Variants in IGF2BP2 observed in about 807,000 individuals in gnomAD.
The protein encoded by IGF2BP2 is insulin-like growth factor 2 mRNA-binding protein 2.
A neutral mutation model predicts 75.8 loss-of-function variants in IGF2BP2; 17 were observed. The observed-to-expected ratio is 0.22, with a 90% CI of 0.15 to 0.34. The LOEUF is 0.34. IGF2BP2 is among the 10% of genes least tolerant of loss of function. IGF2BP2 has a pLI of 1.00. For synonymous variants in IGF2BP2, 288 were observed against 295.6 expected (o/e 0.97, Z 0.26); for missense variants, 516 against 772.4 (o/e 0.67, Z 3.93).
chr3:185,697,950 C>T (rs1042188121), intron 3 of IGF2BP2, among the ~76,000 whole-genome samples: 3 of 152,160 alleles, frequency 2.0e-5, no homozygotes, highest in Non-Finnish European at 4.4e-5. Flanking sequence ...GGCCACTGCA[C>T]TCCAGCCTGG....
At chr3:185,660,271 G>A (rs576292747) in intron 10 of IGF2BP2, among the ~76,000 whole-genome samples, 111 of 152,304 alleles carry the variant, frequency 7.3e-4, no homozygotes, top group African/African-American at 2.6e-3. Flanking sequence ...CCAGGAAGAC[G>A]ATTCCAACAG....
intron 2 of IGF2BP2, among the ~76,000 whole-genome samples, chr3:185,702,950 T>C (rs1033916453): frequency 1.3e-5 from 2 of 152,284 alleles, no homozygotes; most frequent in Admixed American, 6.5e-5. Context: ...AATACAAATA[T>C]ATAGGCTCTT....
chr3:185,803,884 G>C (rs954820692), intron 2 of IGF2BP2, among the ~76,000 whole-genome samples: 1 of 152,194 alleles, frequency 6.6e-6, no homozygotes, highest in Non-Finnish European at 1.5e-5. Flanking sequence ...AGCACTTTAG[G>C]AGGCCGAGGC....
At chr3:185,774,658 T>C (rs1477072437) in intron 2 of IGF2BP2, among the ~76,000 whole-genome samples, 1 of 151,148 alleles carries the variant, frequency 6.6e-6, no homozygotes, top group East Asian at 1.9e-4. Context: ...TGGGGCCAAC[T>C]CCTGCTTTCC....
chr3:185,816,893 T>C (rs983187567), intron 2 of IGF2BP2, among the ~76,000 whole-genome samples: 1 of 152,176 alleles, frequency 6.6e-6, no homozygotes, highest in Non-Finnish European at 1.5e-5. Flanking sequence ...AAAACAAAAA[T>C]TTAAAAATTC....
At chr3:185,651,075 C>T (rs1714515937) in intron 13 of IGF2BP2, among the ~76,000 whole-genome samples, 1 of 152,112 alleles carries the variant, frequency 6.6e-6, no homozygotes, top group South Asian at 2.1e-4. Context: ...CACCCAGCTA[C>T]TTTAAAATTT....
chr3:185,802,801 C>G (rs1738458395), intron 2 of IGF2BP2, among the ~76,000 whole-genome samples: 1 of 152,184 alleles, frequency 6.6e-6, no homozygotes, highest in Non-Finnish European at 1.5e-5. Context: ...AAAAGCTTTT[C>G]TCAAGATGAG....
chr3:185,741,274 AT>A (rs1244922591), intron 2 of IGF2BP2, among the ~76,000 whole-genome samples: 1 of 152,166 alleles, frequency 6.6e-6, no homozygotes, highest in African/African-American at 2.4e-5. Context: ...CGAGTTATTG[AT>A]TTTCAAACCT....
chr3:185,802,972 C>A (rs1052841418), intron 2 of IGF2BP2, among the ~76,000 whole-genome samples: 2 of 152,190 alleles, frequency 1.3e-5, no homozygotes, highest in East Asian at 1.9e-4. Flanking sequence ...TCAGAGGTTA[C>A]CCACAGCACT....
In IGF2BP2 at chr3:185,657,271, C is replaced by A. The variant is rs1350481890; in HGVS notation, c.1386+15G>T. 1.3e-6 allele frequency: 2 copies of A among 1,594,608 alleles called. No homozygotes were observed. Among genetic ancestry groups the A allele is most frequent in the South Asian group, 1.1e-5 (1 of 90,494 alleles). ...GGTGGTAGAAGGGCCACAGGGCCGT[C>A]AGGAGCAGCCTCACCTTGATAGAGG... On this transcript the variant is annotated intron_variant, in intron 12 of 15. Coordinates refer to ENST00000382199, the MANE Select transcript of IGF2BP2 (RefSeq NM_006548.6).
chr3:185,743,746 G>A (rs534201896), intron 2 of IGF2BP2, among the ~76,000 whole-genome samples: 262 of 152,168 alleles, frequency 1.7e-3, no homozygotes, highest in Middle Eastern at 6.8e-3. Flanking sequence ...CTCAAATCAC[G>A]ATGTAAAAGA....
At chr3:185,666,985 T>G (rs1717741246) in intron 10 of IGF2BP2, among the ~76,000 whole-genome samples, 1 of 151,590 alleles carries the variant, frequency 6.6e-6, no homozygotes, top group Non-Finnish European at 1.5e-5. Context: ...TTCCAGTTCA[T>G]TCTTTGAGGA....
Position 185,818,921 on chromosome 3 carries a change from A to AT in IGF2BP2, c.239+4231dup, listed in dbSNP as rs1205662832. On this transcript the variant is annotated intron_variant, in intron 2 of 15. Transcript: ENST00000382199. Reference sequence around the variant, plus strand: ...CACACATTAAAAAAACACAAAAACCATGTGTTTACTCAAAATAATTGTGAA... The same window carrying AT: ...CACACATTAAAAAAACACAAAAACCATTGTGTTTACTCAAAATAATTGTGAA... 3.9e-5 allele frequency among the ~76,000 whole-genome samples: 6 copies of AT among 152,086 alleles called. No individual in the cohort carries two copies. The East Asian group carries it at 5.8e-4, about 15-fold the overall frequency.
chr3:185,672,162 T>C (rs1325626375), intron 10 of IGF2BP2, among the ~76,000 whole-genome samples: 1 of 152,204 alleles, frequency 6.6e-6, no homozygotes, highest in Non-Finnish European at 1.5e-5. Context: ...TATGTAGATA[T>C]ATATCTCTCT....
chr3:185,785,693 G>A (rs1735795801), intron 2 of IGF2BP2, among the ~76,000 whole-genome samples: 1 of 152,030 alleles, frequency 6.6e-6, no homozygotes, highest in Admixed American at 6.6e-5. Flanking sequence ...GGGCCTGATG[G>A]CATATACCTG....
At chr3:185,666,685 C>A (rs4383556) in intron 10 of IGF2BP2, among the ~76,000 whole-genome samples, 21,379 of 151,856 alleles carry the variant, frequency 0.14, 1,787 homozygotes, top group Middle Eastern at 0.24. Context: ...GAAATAACCA[C>A]AAGTTTGGAT....
chr3:185,687,102 C>T lies in IGF2BP2; in HGVS notation c.767G>A (p.Arg256His), dbSNP rs1050135405. The change falls in exon 7 of 16, where the codon CGC becomes CAC. Residue 256 changes from arginine (R) to histidine (H), a missense_variant. Transcript: ENST00000382199. ...ATPEGTSEAC[R>H]MILEIMQKEA... ...TTTCTGCATGATTTCAAGAATCATG[C>T]GGCATGCTTCAGAAGTCCCCTCTGG... The T allele has an allele frequency of 3.1e-6, 5 of 1,613,514 alleles. No homozygotes were observed. The highest frequency in any genetic ancestry group is 2.2e-5 in the East Asian group (1 of 44,894).
rs1475070150 is a variant in IGF2BP2, at chr3:185,644,542, G to A, written c.*989C>T. Reference sequence around the variant, plus strand: ...AAGTTGAGGCTGGTTTGTGTGTTTCGCTTTTGTTCCTTTTGTGTGATGTGA... The same window carrying A: ...AAGTTGAGGCTGGTTTGTGTGTTTCACTTTTGTTCCTTTTGTGTGATGTGA... On this transcript the variant is annotated 3_prime_UTR_variant, in exon 16 of 16. Transcript: ENST00000382199. The A allele has an allele frequency of 2.3e-5, 3 of 133,050 alleles. No individual in the cohort carries two copies. The highest frequency in any genetic ancestry group is 8.3e-5 in the Admixed American group (1 of 12,056). 8.2% of individuals were successfully genotyped at this position (133,050 alleles called of 1,614,324 possible).
intron 2 of IGF2BP2, among the ~76,000 whole-genome samples, chr3:185,707,217 T>C (rs368589706): frequency 1.0e-4 from 14 of 137,662 alleles, no homozygotes; most frequent in Admixed American, 9.1e-4. Context: ...AGAGTGAAAC[T>C]CCATCTCAAA....
Sources: allele counts gnomAD v4.1 joint callset (sites outside exome capture counted in the v4.1 genomes callset), GRCh38; gene constraint gnomAD v4.1.1; transcripts MANE v1.5; gene names NCBI Gene and HGNC (gene_info 2026-07-23, HGNC 2026-07-21).